LIG1: variants seen among roughly 807,000 people sequenced by gnomAD.
LIG1 encodes the protein ligase I, DNA, ATP-dependent.
Under a neutral mutation model 115.7 loss-of-function variants are expected in LIG1, and 70 were observed. The observed-to-expected ratio is 0.60, with a 90% CI of 0.50 to 0.74. The LOEUF is 0.74. LIG1 is among the 30% of genes least tolerant of loss of function. The probability of loss-of-function intolerance (pLI) is 0.00; values close to 1 mark genes in which losing one functional copy is unlikely to be tolerated. For missense variants in LIG1, 1,115 were observed against 1,225.6 expected (o/e 0.91, Z 1.35); for synonymous variants, 487 against 495.3 (o/e 0.98, Z 0.22).
intron 2 of LIG1, among the ~76,000 whole-genome samples, chr19:48,165,226 T>A (rs1017360278): frequency 6.6e-6 from 1 of 151,754 alleles, no homozygotes; most frequent in Non-Finnish European, 1.5e-5. Flanking sequence ...GCCACTGTAC[T>A]CCAGCCTGGG....
intron 21 of LIG1, among the ~76,000 whole-genome samples, chr19:48,126,543 T>C (rs1216865991): frequency 6.6e-6 from 1 of 151,746 alleles, no homozygotes; most frequent in African/African-American, 2.4e-5. Context: ...GAGGAGGCAG[T>C]TGTAGTGAGC....
chr19:48,155,964 C>T (rs950143845), intron 5 of LIG1, among the ~76,000 whole-genome samples: 9 of 152,182 alleles, frequency 5.9e-5, no homozygotes, highest in African/African-American at 1.4e-4. Context: ...TCACACTCAC[C>T]ACGCTAAAGC....
intron 11 of LIG1, among the ~76,000 whole-genome samples, chr19:48,141,272 G>A (rs1027321330): frequency 3.3e-5 from 5 of 152,288 alleles, no homozygotes; most frequent in South Asian, 4.1e-4. Flanking sequence ...CGGGACTACC[G>A]GTGCGCACCA....
In LIG1 at chr19:48,137,694, G is replaced by T; in HGVS notation, c.1088-6C>A. On this transcript the variant is annotated splice_polypyrimidine_tract_variant and splice_region_variant and intron_variant, in intron 12 of 27. Coordinates refer to ENST00000263274, the MANE Select transcript of LIG1 (RefSeq NM_000234.3). This position sits in a 1 kb window ranked among gnomAD's most constrained non-coding sequence, Gnocchi z 4.3. ...GACGGACTCCAGCTGCCGACCTTCA[G>T]GGGAGAGCGCGGGTGGGGGTGTCGA... The T allele has an allele frequency of 1.9e-6, 3 of 1,601,934 alleles. No homozygotes were observed. The highest frequency in any genetic ancestry group is 2.7e-5 in the African/African-American group (2 of 74,922).
intron 5 of LIG1, among the ~76,000 whole-genome samples, chr19:48,156,403 C>G (rs557626491): frequency 6.6e-6 from 1 of 152,304 alleles, no homozygotes; most frequent in South Asian, 2.1e-4. Context: ...GACTGAGCCC[C>G]GACTGAGGGC....
intron 24 of LIG1, chr19:48,120,484 G>A (rs987326883): frequency 1.0e-6 from 1 of 985,308 alleles, no homozygotes; most frequent in Non-Finnish European, 1.2e-6. Flanking sequence ...TGTGGCAAAA[G>A]ACCCAAATTT....
intron 9 of LIG1, chr19:48,147,418 T>C (rs2035186569): frequency 6.6e-6 from 1 of 151,528 alleles, no homozygotes; most frequent in Non-Finnish European, 1.5e-5. Context: ...GGCTCATGCA[T>C]GTAATTCCAG....
At chr19:48,129,883 G>GT (rs2033905130) in intron 19 of LIG1, among the ~76,000 whole-genome samples, 1 of 152,242 alleles carries the variant, frequency 6.6e-6, no homozygotes, top group African/African-American at 2.4e-5. Flanking sequence ...AGCCTCCCAA[G>GT]TAGCTGGGAC....
intron 12 of LIG1, 128 bp downstream of exon 12, chr19:48,139,839 TCCTC>T: frequency 9.4e-7 from 1 of 1,062,160 alleles, no homozygotes; most frequent in South Asian, 1.3e-5. Flanking sequence ...CATCAGGCTC[TCCTC>T]CCTCTCAGCC....
intron 16 of LIG1, among the ~76,000 whole-genome samples, chr19:48,134,822 C>A (rs1433598943): frequency 6.6e-5 from 10 of 152,242 alleles, no homozygotes. Context: ...TGCTCAGCAC[C>A]CAGTGGGGGG....
At chr19:48,136,655 C>T (rs2288881) in intron 14 of LIG1, among the ~76,000 whole-genome samples, 21,320 of 152,180 alleles carry the variant, frequency 0.14, 2,407 homozygotes, top group African/African-American at 0.31. Context: ...CCAAGAAATG[C>T]TCCATGATGT....
intron 1 of LIG1, among the ~76,000 whole-genome samples, chr19:48,169,071 G>A (rs2123117298): frequency 1.3e-5 from 2 of 152,328 alleles, no homozygotes; most frequent in South Asian, 4.1e-4. Flanking sequence ...AACAACTTGG[G>A]TGGACCTCCA....
At chr19:48,163,217 C>T (rs1407211036) in intron 2 of LIG1, among the ~76,000 whole-genome samples, 2 of 119,838 alleles carry the variant, frequency 1.7e-5, no homozygotes, top group Admixed American at 1.6e-4. Context: ...CGCGCCCAGC[C>T]TAAAAAAATT....
chr19:48,148,200 G>A (rs924996783), intron 9 of LIG1, among the ~76,000 whole-genome samples: 15 of 152,110 alleles, frequency 9.9e-5, no homozygotes, highest in Admixed American at 8.5e-4. Flanking sequence ...GAGGCTGGGT[G>A]TGGTGGCTCA....
At chr19:48,135,635 T>C in intron 16 of LIG1, 45 bp downstream of exon 16, 1 of 1,365,222 alleles carries the variant, frequency 7.3e-7, no homozygotes. Context: ...ACCCTGGCAC[T>C]CTGCCCACAG....
chr19:48,153,871 C>A lies in LIG1; in HGVS notation c.466+1G>T. The A allele has an allele frequency of 6.4e-7, 1 of 1,571,016 alleles. No individual in the cohort carries two copies. The highest frequency in any genetic ancestry group is 8.6e-7 in the Non-Finnish European group (1 of 1,157,922). On this transcript the variant is annotated splice_donor_variant, in intron 6 of 27. Coordinates refer to ENST00000263274, the MANE Select transcript of LIG1 (RefSeq NM_000234.3). LOFTEE classifies it high-confidence loss of function. ...ACACTTCTCTCCTTCTGGGGGCTCA[C>A]CTTCCTCCTCCTTCTTCCTCTTGGC...
rs549520571 is a variant in LIG1 at position 48,157,728 on chromosome 19, A to G, written c.244-588T>C. On this transcript the variant is annotated intron_variant, in intron 4 of 27. Coordinates refer to ENST00000263274, the MANE Select transcript of LIG1 (RefSeq NM_000234.3). ...CCCAGCTAATTTTTGTATTTTTTTTATAGAGATGGGGCTTCACCACGTTGG... is the reference window on the plus strand; with the variant it reads ...CCCAGCTAATTTTTGTATTTTTTTTGTAGAGATGGGGCTTCACCACGTTGG... 3.9e-5 allele frequency among the ~76,000 whole-genome samples: 6 copies of G among 151,994 alleles called. No individual in the cohort carries two copies. The East Asian group carries it at 1.2e-3, about 29-fold the overall frequency.
chr19:48,151,206 G>A (rs1288792871), intron 7 of LIG1, 26 bp downstream of exon 7: 2 of 1,444,802 alleles, frequency 1.4e-6, no homozygotes, highest in Non-Finnish European at 1.9e-6. Flanking sequence ...GGTGGGGCAG[G>A]GCGGAGGAGA....
intron 5 of LIG1, among the ~76,000 whole-genome samples, chr19:48,154,827 C>G (rs557250279): frequency 1.3e-5 from 2 of 152,326 alleles, no homozygotes; most frequent in East Asian, 1.9e-4. Context: ...CTGTCTCTCC[C>G]TGCTCAAAAC....
Sources: gnomAD v4.1 joint callset for allele counts (sites outside exome capture counted in the v4.1 genomes callset) on GRCh38, gnomAD v4.1.1 for gene constraint, Gnocchi (gnomAD v3.1) non-coding constraint, MANE v1.5 for transcripts, NCBI Gene and HGNC (gene_info 2026-07-23, HGNC 2026-07-21) for gene names.